TMEM266: variants seen among roughly 807,000 people sequenced by gnomAD.
TMEM266 encodes Hv1 related protein 1.
In TMEM266, 33 loss-of-function variants were observed where a neutral mutation model predicts 50.5. The ratio of observed to expected loss-of-function variants is 0.65; its 90% CI spans 0.50 to 0.87. The LOEUF is 0.87. TMEM266 is among the 40% of genes least tolerant of loss of function. The pLI, the probability that TMEM266 is intolerant of heterozygous loss-of-function variation, is 0.00. For missense variants in TMEM266, 655 were observed against 695.1 expected (o/e 0.94, Z 0.65); for synonymous variants, 310 against 292.3 (o/e 1.06, Z -0.62).
At chr15:76,186,394 G>A (rs1228161322) in intron 8 of TMEM266, among the ~76,000 whole-genome samples, 1 of 152,122 alleles carries the variant, frequency 6.6e-6, no homozygotes, top group African/African-American at 2.4e-5. Context: ...AGTTCCCCTG[G>A]GCTGTCCCAG....
At chr15:76,091,275 T>G (rs1482597712) in intron 1 of TMEM266, among the ~76,000 whole-genome samples, 1 of 152,084 alleles carries the variant, frequency 6.6e-6, no homozygotes, top group Admixed American at 6.6e-5. Flanking sequence ...GAGGGTGTAC[T>G]CCAGCAAAGA....
chr15:76,063,277 A>G (rs2036339449), intron 1 of TMEM266, among the ~76,000 whole-genome samples: 1 of 152,200 alleles, frequency 6.6e-6, no homozygotes, highest in African/African-American at 2.4e-5. Flanking sequence ...GGGGGAGCCC[A>G]AGGTATATGA....
chr15:76,095,836 G>T (rs976017658), intron 1 of TMEM266, among the ~76,000 whole-genome samples: 1 of 152,002 alleles, frequency 6.6e-6, no homozygotes, highest in Non-Finnish European at 1.5e-5. Context: ...TCCTGGTTTA[G>T]ACTTGGGAGG....
rs184846066 is a variant in TMEM266, at chr15:76,111,200, C to T, written c.-96-22968C>T. Among the ~76,000 whole-genome samples the T allele has an allele frequency of 1.1e-3, 173 of 152,106 alleles. 2 individuals carry two copies. In the East Asian group the frequency reaches 0.029, roughly 26 times the overall value. On this transcript the variant is annotated intron_variant, in intron 1 of 10. Transcript: ENST00000388942. ...GGTTCAAGCGATTCTCCTGTCTCAG[C>T]CTCCTGAGTAGCTGGGATTACAGGT...
chr15:76,201,557 C>G (rs900721215), intron 9 of TMEM266, among the ~76,000 whole-genome samples: 35 of 152,118 alleles, frequency 2.3e-4, no homozygotes, highest in Admixed American at 5.2e-4. Flanking sequence ...TTTAAAAGAC[C>G]CTGTTCCCAC....
chr15:76,190,206 C>T (rs2142080188), intron 8 of TMEM266, among the ~76,000 whole-genome samples: 2 of 152,316 alleles, frequency 1.3e-5, no homozygotes, highest in African/African-American at 4.8e-5. Context: ...AGGGGGGCCA[C>T]CGTGTGATCT....
Position 76,160,316 on chromosome 15 carries a change from G to A in TMEM266, c.456+148G>A. On this transcript the variant is annotated intron_variant, in intron 5 of 10. Coordinates refer to ENST00000388942, the MANE Select transcript of TMEM266 (RefSeq NM_152335.3). The surrounding 1 kb of genome is among the most constrained non-coding windows in gnomAD (Gnocchi z 5.7). The stretch of plus-strand genomic sequence containing the variant: ...GGAGGGAGACACAATATAGATAGAT[G>A]ATCTCTGCGGGGGGAAGTGGTACAG... 1.2e-6 allele frequency: 1 copy of A among 853,044 alleles called. No individual in the cohort carries two copies. Among genetic ancestry groups the A allele is most frequent in the Non-Finnish European group, 1.9e-6 (1 of 529,680 alleles). 52.8% of individuals were successfully genotyped at this position (853,044 alleles called of 1,614,324 possible).
intron 1 of TMEM266, among the ~76,000 whole-genome samples, chr15:76,122,695 A>G (rs986201896): frequency 6.6e-6 from 1 of 152,190 alleles, no homozygotes; most frequent in Non-Finnish European, 1.5e-5. Context: ...GGTTCTCAAA[A>G]TCATAGATAT....
chr15:76,130,829 A>G (rs981979262), intron 1 of TMEM266, among the ~76,000 whole-genome samples: 2 of 152,226 alleles, frequency 1.3e-5, no homozygotes, highest in Admixed American at 6.5e-5. Flanking sequence ...GTTAAATTAA[A>G]AAAAATTTTT....
At position 76,191,077 on chromosome 15, in the gene TMEM266, A is replaced by C. The variant is rs1313867515; in HGVS notation, c.769-891A>C. Among the ~76,000 whole-genome samples, 3 of 152,376 alleles carry C rather than the reference A, an allele frequency of 2.0e-5. No homozygotes were observed. In the South Asian group the frequency reaches 6.2e-4, roughly 32 times the overall value. Reference sequence around the variant, plus strand: ...ACCCACAAACCCAAGAGGTATCTGGAAGCCTTTCCAAGAAGCTTTCCCCAA... The same window carrying C: ...ACCCACAAACCCAAGAGGTATCTGGCAGCCTTTCCAAGAAGCTTTCCCCAA... On this transcript the variant is annotated intron_variant, in intron 8 of 10. Coordinates refer to ENST00000388942, the MANE Select transcript of TMEM266 (RefSeq NM_152335.3).
intron 4 of TMEM266, 120 bp from the exon 5 acceptor site, chr15:76,159,975 C>G: frequency 3.2e-6 from 3 of 923,794 alleles, no homozygotes; most frequent in Middle Eastern, 2.8e-4. Context: ...TCCACCAGAT[C>G]TAAACGTTCA....
At chr15:76,092,320 A>G (rs1052877119) in intron 1 of TMEM266, among the ~76,000 whole-genome samples, 1 of 152,110 alleles carries the variant, frequency 6.6e-6, no homozygotes, top group Non-Finnish European at 1.5e-5. Flanking sequence ...TCAGAACAGA[A>G]CACAAATTAT....
At chr15:76,136,908 A>C (rs761717848) in intron 2 of TMEM266, among the ~76,000 whole-genome samples, 2 of 152,194 alleles carry the variant, frequency 1.3e-5, no homozygotes, top group Non-Finnish European at 2.9e-5. Flanking sequence ...ATGCCTCCAC[A>C]AATTGCCAAA....
intron 3 of TMEM266, among the ~76,000 whole-genome samples, chr15:76,146,906 C>T (rs765355348): frequency 3.3e-5 from 5 of 152,224 alleles, no homozygotes; most frequent in African/African-American, 9.7e-5. Flanking sequence ...CTTTACAAGT[C>T]GGTCTCCAGT....
Position 76,203,876 on chromosome 15 carries a change from C to G in TMEM266, c.1157C>G (p.Ser386Trp). The change falls in exon 11 of 11, where the codon TCG becomes TGG. Residue 386 changes from serine to tryptophan, a missense_variant. Physicochemically the swap from Ser to Trp is radical, Grantham distance 177. Around this residue, in one of 3 missense-constraint regions of TMEM266, gnomAD observed 455 missense variants for 401.8 expected, o/e 1.13. Coordinates refer to ENST00000388942, the MANE Select transcript of TMEM266 (RefSeq NM_152335.3). The stretch of plus-strand genomic sequence containing the variant: ...GGCGGTAATGGCACCAGCGCCACCT[C>G]GGAGAGTGCCTCCCGCAGCTCAGTC... 1 of 1,614,214 alleles carries G rather than the reference C, an allele frequency of 6.2e-7. No individual in the cohort carries two copies. The highest frequency in any genetic ancestry group is 8.5e-7 in the Non-Finnish European group (1 of 1,180,040).
At chr15:76,126,748 C>T (rs960741082) in intron 1 of TMEM266, among the ~76,000 whole-genome samples, 3 of 151,968 alleles carry the variant, frequency 2.0e-5, no homozygotes, top group Non-Finnish European at 1.5e-5. Context: ...AGGCTGGTCT[C>T]GACCTCCTGA....
rs75633474 is a variant in TMEM266 at position 76,186,393 on chromosome 15, G to A, written c.769-5575G>A. Among the ~76,000 whole-genome samples, 217 of 152,260 alleles carry A rather than the reference G, an allele frequency of 1.4e-3. 1 individual carries two copies. The highest frequency in any genetic ancestry group is 4.8e-3 in the African/African-American group (201 of 41,544). ...CGCTAGCACCTCCTGAAGTTCCCCTGGGCTGTCCCAGCCTGTGACTGGGCC... is the reference window on the plus strand; with the variant it reads ...CGCTAGCACCTCCTGAAGTTCCCCTAGGCTGTCCCAGCCTGTGACTGGGCC... On this transcript the variant is annotated intron_variant, in intron 8 of 10. Transcript: ENST00000388942.
Position 76,145,794 on chromosome 15 carries a change from C to T in TMEM266, c.227+7899C>T, listed in dbSNP as rs1289189918. Among the ~76,000 whole-genome samples, 5 of 152,212 alleles carry T rather than the reference C, an allele frequency of 3.3e-5. No individual in the cohort carries two copies. The East Asian group carries it at 9.6e-4, about 29-fold the overall frequency. Reference sequence around the variant, plus strand: ...TAGGCTGTTTCTTCAATGACTTGGTCAGTTGATGCTTTCATTCCAATGCAG... The same window carrying T: ...TAGGCTGTTTCTTCAATGACTTGGTTAGTTGATGCTTTCATTCCAATGCAG... On this transcript the variant is annotated intron_variant, in intron 3 of 10. Coordinates refer to ENST00000388942, the MANE Select transcript of TMEM266 (RefSeq NM_152335.3).
chr15:76,104,933 G>A (rs1253580088), intron 1 of TMEM266, among the ~76,000 whole-genome samples: 1 of 149,902 alleles, frequency 6.7e-6, no homozygotes, highest in African/African-American at 2.5e-5. Context: ...CTTATTGAAA[G>A]TTTCGGCCAG....
Sources: gnomAD v4.1 joint callset for allele counts (sites outside exome capture counted in the v4.1 genomes callset) on GRCh38, gnomAD v4.1.1 for gene constraint, gnomAD v4.1.1 regional missense constraint, Gnocchi (gnomAD v3.1) non-coding constraint, MANE v1.5 for transcripts, NCBI Gene and HGNC (gene_info 2026-07-23, HGNC 2026-07-21) for gene names.